ASXL3: variants seen among roughly 807,000 people sequenced by gnomAD.
ASXL3 encodes the protein putative Polycomb group protein ASXL3.
ASXL3 carries 34 observed loss-of-function variants against 170.6 expected under a neutral mutation model. The ratio of observed to expected loss-of-function variants is 0.20; its 90% confidence interval spans 0.15 to 0.27. The LOEUF (loss-of-function observed/expected upper bound fraction) is 0.27, where lower values mean the gene tolerates loss of function less well. Among genes scored for constraint, ASXL3 ranks in the 10% least tolerant of loss-of-function variants. The probability of loss-of-function intolerance (pLI) is 1.00; values close to 1 mark genes in which losing one functional copy is unlikely to be tolerated. For synonymous variants in ASXL3, 1,002 were observed against 989.1 expected, an observed-to-expected ratio of 1.01 and a Z score of -0.24; for missense variants, 2,592 against 2,695.3, an observed-to-expected ratio of 0.96 and a Z score of 0.85.
At chr18:33,727,697 T>C (rs1043826367) in intron 8 of ASXL3, among the ~76,000 whole-genome samples, 8 of 152,200 alleles carry the variant, frequency 5.3e-5, no homozygotes, top group Non-Finnish European at 4.4e-5. Flanking sequence ...GGAAAACACA[T>C]TGTAACTAAC....
rs568221465 is a variant in ASXL3, at chr18:33,676,222, C to CAAAAAAAAA, written c.715+4373_715+4381dup. On this transcript the variant is annotated intron_variant, in intron 7 of 11. Coordinates refer to ENST00000269197, the MANE Select transcript of ASXL3 (RefSeq NM_030632.3). ...CTGGGTGACGAGCGAGACTCCGTCT[C>CAAAAAAAAA]AAAAAAAAAAAAAAAAAAAAAAAAA... Among the ~76,000 whole-genome samples, 78 of 41,724 alleles carry CAAAAAAAAA rather than the reference C, an allele frequency of 1.9e-3. 12 individuals carry two copies. The East Asian group carries it at 0.054, about 29-fold the overall frequency. 27.4% of individuals were successfully genotyped at this position (41,724 alleles called of 152,430 possible). A position where few individuals can be genotyped will look rare whatever the true frequency, so the allele number is the denominator to read the frequency against.
chr18:33,709,392 C>CA (rs1292270377), intron 8 of ASXL3, among the ~76,000 whole-genome samples: 1 of 151,562 alleles, frequency 6.6e-6, no homozygotes, highest in Non-Finnish European at 1.5e-5. Flanking sequence ...AAATACCTAT[C>CA]AACAGCATAA....
intron 8 of ASXL3, among the ~76,000 whole-genome samples, chr18:33,730,974 C>T (rs1297770967): frequency 6.6e-6 from 1 of 152,140 alleles, no homozygotes; most frequent in East Asian, 1.9e-4. Context: ...CTATAAATGT[C>T]ACAGCGTCAA....
In ASXL3 at chr18:33,713,233, TTTTTG is replaced by T. The variant is rs1195375418; in HGVS notation, c.880-18720_880-18716del. 2.9e-3 allele frequency among the ~76,000 whole-genome samples: 214 copies of T among 74,662 alleles called. 1 individual carries two copies. The highest frequency in any genetic ancestry group is 0.015 in the African/African-American group (192 of 12,936). 49.0% of individuals were successfully genotyped at this position (74,662 alleles called of 152,430 possible). ...TTAGCAATCTACCACAAGAAGGTTTTTTTTGTTTTGTTTTGTTTTTTTTTTTTTTT... is the reference window on the plus strand; with the variant it reads ...TTAGCAATCTACCACAAGAAGGTTTTTTTTGTTTTGTTTTTTTTTTTTTTT... On this transcript the variant is annotated intron_variant, in intron 8 of 11. Transcript: ENST00000269197.
intron 2 of ASXL3, among the ~76,000 whole-genome samples, chr18:33,635,809 G>T (rs1472094819): frequency 6.6e-6 from 1 of 152,126 alleles, no homozygotes. Context: ...AATTTAAAAA[G>T]AATTTTGGTG....
chr18:33,671,053 C>T (rs573259025), intron 6 of ASXL3, among the ~76,000 whole-genome samples: 86 of 152,118 alleles, frequency 5.7e-4, no homozygotes, highest in African/African-American at 1.8e-3. Flanking sequence ...AATGTGTAGG[C>T]GAATTTTGTT....
At chr18:33,624,575 T>C (rs1018710808) in intron 2 of ASXL3, among the ~76,000 whole-genome samples, 1 of 152,134 alleles carries the variant, frequency 6.6e-6, no homozygotes, top group Non-Finnish European at 1.5e-5. Context: ...CTCATAAGTG[T>C]TAACAGTAGT....
Position 33,746,620 on chromosome 18 carries a change from C to G in ASXL3, c.*25C>G. The G allele has an allele frequency of 6.5e-7, 1 of 1,534,044 alleles. No homozygotes were observed. Among genetic ancestry groups the G allele is most frequent in the Non-Finnish European group, 8.7e-7 (1 of 1,144,326 alleles). On this transcript the variant is annotated 3_prime_UTR_variant, in exon 12 of 12. Transcript: ENST00000269197. ...AGAGCTGAGTGAAAGATGCAGTATC[C>G]CTTTTCCACACGGAAAAGCCAAATA...
At chr18:33,709,054 G>C (rs752803711) in intron 8 of ASXL3, among the ~76,000 whole-genome samples, 1 of 152,052 alleles carries the variant, frequency 6.6e-6, no homozygotes, top group African/African-American at 2.4e-5. Flanking sequence ...TAGTCATCAA[G>C]TAAACATAAA....
At position 33,578,497 on chromosome 18, in the gene ASXL3, GCCA is replaced by G. The variant is rs1307553575; in HGVS notation, c.-132_-130del. The G allele has an allele frequency of 1.2e-4, 32 of 272,644 alleles. 1 individual carries two copies. The highest frequency in any genetic ancestry group is 1.8e-4 in the African/African-American group (6 of 33,950). 16.9% of individuals were successfully genotyped at this position (272,644 alleles called of 1,614,324 possible). A position where few individuals can be genotyped will look rare whatever the true frequency, so the allele number is the denominator to read the frequency against. On this transcript the variant is annotated 5_prime_UTR_variant, in exon 1 of 12. Coordinates refer to ENST00000269197, the MANE Select transcript of ASXL3 (RefSeq NM_030632.3). ...CGCCGCCGCCGCCGCCGCCGCCGCC[GCCA>G]CCGCCCGCGCGCCTCCCCCCGCGGA...
Position 33,578,783 on chromosome 18 carries a change from A to T in ASXL3, c.54+98A>T, listed in dbSNP as rs1649573306. 1.5e-5 allele frequency: 11 copies of T among 749,040 alleles called. No individual in the cohort carries two copies. In the Middle Eastern group the frequency reaches 2.1e-3, roughly 145 times the overall value. 46.4% of individuals were successfully genotyped at this position (749,040 alleles called of 1,614,324 possible). Reference sequence around the variant, plus strand: ...GGCGGAGACGGCCACTTCCAGCCCGAGCCGCCGCCCGCTCGCCGGGCTCCT... The same window carrying T: ...GGCGGAGACGGCCACTTCCAGCCCGTGCCGCCGCCCGCTCGCCGGGCTCCT... On this transcript the variant is annotated intron_variant, in intron 1 of 11. Coordinates refer to ENST00000269197, the MANE Select transcript of ASXL3 (RefSeq NM_030632.3).
At chr18:33,732,860 CAAAAAA>C (rs58760847) in intron 9 of ASXL3, among the ~76,000 whole-genome samples, 1 of 134,606 alleles carries the variant, frequency 7.4e-6, no homozygotes, top group African/African-American at 2.7e-5. Context: ...CACCCTGTCT[CAAAAAA>C]AAAAAAAAAA....
At chr18:33,640,927 T>C (rs2065836942) in intron 2 of ASXL3, among the ~76,000 whole-genome samples, 1 of 152,050 alleles carries the variant, frequency 6.6e-6, no homozygotes, top group African/African-American at 2.4e-5. Flanking sequence ...AAAGAAATGT[T>C]AGCAGGAAAT....
intron 8 of ASXL3, among the ~76,000 whole-genome samples, chr18:33,723,422 G>T (rs946407046): frequency 3.9e-5 from 6 of 152,304 alleles, no homozygotes; most frequent in Admixed American, 3.9e-4. Flanking sequence ...AGGAGTTCAA[G>T]ACTTCAGTGG....
intron 7 of ASXL3, among the ~76,000 whole-genome samples, chr18:33,678,110 TTTG>T (rs2066458611): frequency 6.7e-6 from 1 of 149,164 alleles, no homozygotes; most frequent in African/African-American, 2.5e-5. Flanking sequence ...ATTTATTTAT[TTTG>T]GATACAGGAT....
At chr18:33,732,317 G>A (rs781478563) in intron 9 of ASXL3, among the ~76,000 whole-genome samples, 1 of 152,058 alleles carries the variant, frequency 6.6e-6, no homozygotes, top group African/African-American at 2.4e-5. Flanking sequence ...ATTTTCTTGC[G>A]GATGGTAATT....
At chr18:33,618,665 GAATAA>G (rs1056612313) in intron 2 of ASXL3, among the ~76,000 whole-genome samples, 5 of 152,048 alleles carry the variant, frequency 3.3e-5, no homozygotes, top group Non-Finnish European at 5.9e-5. Flanking sequence ...GTTAATAGAT[GAATAA>G]AATACCATTT....
intron 2 of ASXL3, among the ~76,000 whole-genome samples, chr18:33,621,210 G>A (rs1184092293): frequency 6.6e-6 from 1 of 152,146 alleles, no homozygotes; most frequent in Non-Finnish European, 1.5e-5. Flanking sequence ...TGAGTGAGTT[G>A]TCCACAATGA....
intron 1 of ASXL3, among the ~76,000 whole-genome samples, chr18:33,592,366 G>A (rs1364757296): frequency 6.6e-6 from 1 of 152,118 alleles, no homozygotes; most frequent in Non-Finnish European, 1.5e-5. Flanking sequence ...ATAAGCATTA[G>A]GTTGATGGAC....
Sources: gnomAD v4.1 joint callset for allele counts (sites outside exome capture counted in the v4.1 genomes callset) on GRCh38, gnomAD v4.1.1 for gene constraint, MANE v1.5 for transcripts, NCBI Gene and HGNC (gene_info 2026-07-23, HGNC 2026-07-21) for gene names.